Variants in FANK1 observed in about 807,000 individuals in gnomAD.
FANK1 encodes the protein fibronectin type III and ankyrin repeat domains 1.
Under a neutral mutation model 45.3 loss-of-function variants are expected in FANK1, and 44 were observed. The observed-to-expected ratio is 0.97, with a 90% confidence interval of 0.76 to 1.25. FANK1 has a LOEUF of 1.25. FANK1 is among the 50% of genes most tolerant of loss of function. The pLI, the probability that FANK1 is intolerant of heterozygous loss-of-function variation, is 0.00. For synonymous variants in FANK1, 149 were observed against 152.5 expected, an observed-to-expected ratio of 0.98 and a Z score of 0.17; for missense variants, 391 against 424.4, an observed-to-expected ratio of 0.92 and a Z score of 0.69.
chr10:125,997,513 T>C (rs1276206558), intron 6 of FANK1, 28 bp downstream of exon 6: 1 of 1,602,038 alleles, frequency 6.2e-7, no homozygotes, highest in East Asian at 2.2e-5. Flanking sequence ...ACTGAAATTG[T>C]GCTGATGTTC....
intron 7 of FANK1, among the ~76,000 whole-genome samples, chr10:126,008,108 G>C (rs1953370677): frequency 6.6e-6 from 1 of 152,190 alleles, no homozygotes; most frequent in Non-Finnish European, 1.5e-5. Context: ...TGCTAGGTGA[G>C]GAAAGTTAGG....
chr10:125,998,611 C>T (rs147849797), intron 6 of FANK1, among the ~76,000 whole-genome samples: 309 of 152,178 alleles, frequency 2.0e-3, no homozygotes, highest in African/African-American at 7.2e-3. Flanking sequence ...TAATAAGATA[C>T]ACCAATCTTT....
chr10:125,916,076 C>T (rs911974647), intron 1 of FANK1, among the ~76,000 whole-genome samples: 2 of 151,862 alleles, frequency 1.3e-5, no homozygotes, highest in Non-Finnish European at 2.9e-5. Flanking sequence ...TGCTCTGTCA[C>T]CAGGCTGGAG....
rs1446749044 is a variant in FANK1 at position 125,997,457 on chromosome 10, A to G, written c.511A>G (p.Asn171Asp). Residue 171 changes from asparagine (N) to aspartate (D), a missense_variant, in exon 6 of 11, where the codon AAT (asparagine) becomes GAT (aspartate). Coordinates refer to ENST00000368693, the MANE Select transcript of FANK1 (RefSeq NM_145235.5). ...KILVSNGTDV[N>D]LKNGSGKDSL... ...CCTAGTTTCTAATGGCACAGACGTG[A>G]ATCTGAAGAATGGAAGTGGCAAGGA... 2 of 1,613,912 alleles carry G rather than the reference A, an allele frequency of 1.2e-6. No individual in the cohort carries two copies. The highest frequency in any genetic ancestry group is 2.2e-5 in the South Asian group (2 of 91,072).
At chr10:125,991,950 C>G (rs986193522) in intron 3 of FANK1, among the ~76,000 whole-genome samples, 2 of 152,210 alleles carry the variant, frequency 1.3e-5, no homozygotes, top group Non-Finnish European at 2.9e-5. Context: ...CCCTGCTCAC[C>G]TGGCCCTGAC....
intron 3 of FANK1, chr10:125,989,583 T>C: frequency 1.4e-6 from 1 of 690,468 alleles, no homozygotes; most frequent in East Asian, 2.7e-5. Context: ...AGACCTGGCA[T>C]GAGGGGACAG....
At chr10:125,997,673 C>G (rs755121753) in intron 6 of FANK1, among the ~76,000 whole-genome samples, 188 bp downstream of exon 6, 2 of 152,222 alleles carry the variant, frequency 1.3e-5, no homozygotes, top group Non-Finnish European at 2.9e-5. Flanking sequence ...TGTGCTTTTG[C>G]TCACCAGGGT....
intron 3 of FANK1, chr10:125,995,014 C>A: frequency 2.4e-6 from 2 of 843,664 alleles, no homozygotes; most frequent in Non-Finnish European, 2.8e-6. Flanking sequence ...TGTTAAAGCA[C>A]TTTGTCTTTT....
chr10:126,009,424 T>G lies in FANK1; in HGVS notation c.1024T>G (p.Ser342Ala), dbSNP rs970220660. 6.2e-7 allele frequency: 1 copy of G among 1,614,022 alleles called. No individual in the cohort carries two copies. The highest frequency in any genetic ancestry group is 8.5e-7 in the Non-Finnish European group (1 of 1,179,998). ...ERKKKQRPKK[S>A]CVC ...GAAAAAAAAGCAGAGGCCAAAGAAG[T>G]CTTGTGTCTGCTGATGAGAGCACCA... Residue 342 changes from serine to alanine, a missense_variant, in exon 11 of 11, where the codon TCT becomes GCT. By Grantham distance (99) the Ser-to-Ala change is moderately conservative. Transcript: ENST00000368693.
chr10:125,917,493 T>C (rs1946539031), intron 1 of FANK1, among the ~76,000 whole-genome samples: 1 of 152,202 alleles, frequency 6.6e-6, no homozygotes, highest in Admixed American at 6.5e-5. Context: ...ACCTAATTTG[T>C]AATTTAGTCT....
intron 2 of FANK1, among the ~76,000 whole-genome samples, chr10:125,982,211 G>A (rs1913740): frequency 0.39 from 60,022 of 152,190 alleles, 12,027 homozygotes; most frequent in South Asian, 0.46. Flanking sequence ...GCAGGTGAAT[G>A]GGGCCATCCT....
intron 1 of FANK1, among the ~76,000 whole-genome samples, chr10:125,923,856 TTC>T (rs1947124832): frequency 2.0e-5 from 3 of 148,906 alleles, no homozygotes; most frequent in Admixed American, 2.0e-4. Context: ...TTCAGAGTCT[TTC>T]TATCTGTAGT....
At chr10:125,927,908 G>A (rs1589895609) in intron 1 of FANK1, among the ~76,000 whole-genome samples, 1 of 152,126 alleles carries the variant, frequency 6.6e-6, no homozygotes, top group African/African-American at 2.4e-5. Context: ...TCTGTATCTG[G>A]GAGTGCAAGT....
At chr10:125,970,455 G>C (rs1031057671) in intron 1 of FANK1, among the ~76,000 whole-genome samples, 1 of 152,228 alleles carries the variant, frequency 6.6e-6, no homozygotes, top group Non-Finnish European at 1.5e-5. Flanking sequence ...TGCAATCTCC[G>C]CACTTTGGGA....
chr10:126,006,783 C>T (rs982949432), intron 7 of FANK1, among the ~76,000 whole-genome samples: 1 of 152,194 alleles, frequency 6.6e-6, no homozygotes, highest in Non-Finnish European at 1.5e-5. Flanking sequence ...TTGCTTGAAC[C>T]CAGGAGGTGG....
At chr10:126,003,105 T>TG (rs1304159007) in intron 6 of FANK1, among the ~76,000 whole-genome samples, 2 of 103,556 alleles carry the variant, frequency 1.9e-5, no homozygotes, top group Non-Finnish European at 4.4e-5. Context: ...GTCCTCTCTT[T>TG]AAATTTTTTT....
In FANK1 at chr10:125,997,483, C is replaced by T; in HGVS notation, c.537C>T (p.Asp179=). 6.2e-7 allele frequency: 1 copy of T among 1,613,582 alleles called. No homozygotes were observed. The highest frequency in any genetic ancestry group is 8.5e-7 in the Non-Finnish European group (1 of 1,179,710). Residue 179 remains aspartate (D), a splice_region_variant and synonymous_variant, in exon 6 of 11, where the codon GAC becomes GAT. Transcript: ENST00000368693. ...ATCTGAAGAATGGAAGTGGCAAGGA[C>T]AGGTAGGAGGTGGGATATGACTGAA... ...DVNLKNGSGK[D]SLMLACYAGH...
At chr10:125,948,427 G>A (rs1267593602) in intron 1 of FANK1, among the ~76,000 whole-genome samples, 1 of 151,812 alleles carries the variant, frequency 6.6e-6, no homozygotes, top group Non-Finnish European at 1.5e-5. Flanking sequence ...ATAATAAAGG[G>A]GATATCACCA....
intron 3 of FANK1, among the ~76,000 whole-genome samples, chr10:125,993,983 C>A (rs937918355): frequency 2.0e-5 from 3 of 152,202 alleles, no homozygotes; most frequent in African/African-American, 7.2e-5. Context: ...ATTCACTTGG[C>A]ACCACTGAAA....
Sources: allele counts gnomAD v4.1 joint callset (sites outside exome capture counted in the v4.1 genomes callset), GRCh38; gene constraint gnomAD v4.1.1; transcripts MANE v1.5; gene names NCBI Gene and HGNC (gene_info 2026-07-23, HGNC 2026-07-21).